The following TENM2 variants were observed in gnomAD, a reference collection of about 807,000 sequenced individuals.
TENM2 encodes the protein teneurin transmembrane protein 2, also known as teneurin-2.
TENM2 carries 52 observed loss-of-function variants against 245.2 expected under a neutral mutation model. The ratio of observed to expected loss-of-function variants is 0.21; its 90% CI spans 0.17 to 0.27. The LOEUF (loss-of-function observed/expected upper bound fraction) is 0.27, where lower values mean the gene tolerates loss of function less well. Ranked by LOEUF, TENM2 falls within the 10% of genes least tolerant of loss-of-function variation. The probability of loss-of-function intolerance (pLI) is 1.00; values close to 1 mark genes in which losing one functional copy is unlikely to be tolerated. For synonymous variants in TENM2, 1,363 were observed against 1,438.9 expected, an observed-to-expected ratio of 0.95 and a Z score of 1.19; for missense variants, 3,046 against 3,666.8, an observed-to-expected ratio of 0.83 and a Z score of 4.37.
rs10650485 is a variant in TENM2, at chr5:167,907,232, CAAAT to C, written c.712+31064_712+31067del. 3.6e-3 allele frequency among the ~76,000 whole-genome samples: 531 copies of C among 148,142 alleles called. 3 individuals are homozygous for C. Among genetic ancestry groups the C allele is most frequent in the African/African-American group, 9.2e-3 (370 of 40,022 alleles). ...GTGCAAAAAGAGTGAAACTCCGTCT[CAAAT>C]AAATAAATAAATAAATAAATAAATA... On this transcript the variant is annotated intron_variant, in intron 3 of 28. Coordinates refer to ENST00000518659, the Ensembl canonical transcript of TENM2.
At chr5:167,358,838 CA>C (rs1759516064) in intron 1 of TENM2, among the ~76,000 whole-genome samples, 7 of 124,108 alleles carry the variant, frequency 5.6e-5, no homozygotes, top group Non-Finnish European at 9.2e-5. Flanking sequence ...CACACACACA[CA>C]CACACACACA....
At chr5:166,980,242 T>C in the TENM2 span, among the ~76,000 whole-genome samples, 2 of 152,176 alleles carry the variant, frequency 1.3e-5, no homozygotes, top group Admixed American at 6.6e-5. Context: ...TTTAGGGCTA[T>C]GGAGAAAGAG....
intron 5 of TENM2, 109 bp downstream of exon 7, chr5:167,993,291 T>G (rs11955430): frequency 0.33 from 280,302 of 855,420 alleles, 47,379 homozygotes; most frequent in African/African-American, 0.46. Context: ...TTTGCTTCTT[T>G]GCTCCTGAAA....
At chr5:167,935,270 A>G (rs1376903111) in intron 3 of TENM2, among the ~76,000 whole-genome samples, 1 of 152,112 alleles carries the variant, frequency 6.6e-6, no homozygotes, top group African/African-American at 2.4e-5. Context: ...AGCTTTTGTG[A>G]GCCAAAGACC....
intron 5 of TENM2, among the ~76,000 whole-genome samples, chr5:168,003,361 T>A (rs1287070346): frequency 1.3e-5 from 2 of 149,844 alleles, no homozygotes; most frequent in African/African-American, 2.5e-5. Context: ...AAAGCTGGCA[T>A]AACTGTGAAG....
At chr5:167,777,961 T>G (rs1763927516) in intron 2 of TENM2, among the ~76,000 whole-genome samples, 1 of 152,238 alleles carries the variant, frequency 6.6e-6, no homozygotes, top group Admixed American at 6.5e-5. Context: ...AAATAATGTT[T>G]TCTTGGAACA....
the TENM2 span, among the ~76,000 whole-genome samples, chr5:167,129,665 A>G: frequency 1.3e-5 from 2 of 152,196 alleles, no homozygotes; most frequent in African/African-American, 4.8e-5. Context: ...GAGGTGATGC[A>G]TGGGAAAATA....
intron 20 of TENM2, 71 bp downstream of exon 22, chr5:168,211,825 T>C: frequency 1.0e-6 from 1 of 959,086 alleles, no homozygotes; most frequent in Non-Finnish European, 1.5e-6. Flanking sequence ...CTTTTTTTGT[T>C]TTGTGCTTCT....
At chr5:167,419,938 G>T (rs891119862) in intron 2 of TENM2, among the ~76,000 whole-genome samples, 2 of 152,190 alleles carry the variant, frequency 1.3e-5, no homozygotes, top group Non-Finnish European at 2.9e-5. Flanking sequence ...GCAGCAGAGA[G>T]CATGATTGGA....
At chr5:166,979,194 CCAGCAGCAGCAG>C in the TENM2 span, among the ~76,000 whole-genome samples, 694 of 142,120 alleles carry the variant, frequency 4.9e-3, 5 homozygotes, top group African/African-American at 0.016. Flanking sequence ...AGCACCACCA[CCAGCAGCAGCAG>C]CAGCAGCAGC....
intron 3 of TENM2, among the ~76,000 whole-genome samples, chr5:167,904,674 CT>C (rs1775954417): frequency 1.3e-5 from 2 of 152,120 alleles, no homozygotes; most frequent in South Asian, 2.1e-4. Context: ...TCATTTCCCC[CT>C]GTGTCTGTCT....
At chr5:167,587,493 C>CG (rs1049808942) in intron 2 of TENM2, among the ~76,000 whole-genome samples, 1 of 152,070 alleles carries the variant, frequency 6.6e-6, no homozygotes, top group African/African-American at 2.4e-5. Context: ...ACCAGTGGGT[C>CG]GGATCAATGC....
intron 2 of TENM2, among the ~76,000 whole-genome samples, chr5:167,857,135 A>G (rs1255815430): frequency 1.3e-5 from 2 of 152,198 alleles, no homozygotes; most frequent in African/African-American, 4.8e-5. Context: ...CATTCTAGCA[A>G]GAATGATACA....
the TENM2 span, among the ~76,000 whole-genome samples, chr5:167,212,861 G>A: frequency 1.3e-5 from 2 of 152,194 alleles, no homozygotes; most frequent in Non-Finnish European, 2.9e-5. Context: ...ATGCACATAG[G>A]AGGAGAGCTG....
At chr5:167,947,183 T>G (rs32408) in intron 3 of TENM2, among the ~76,000 whole-genome samples, 68,261 of 151,958 alleles carry the variant, frequency 0.45, 16,621 homozygotes, top group African/African-American at 0.64. Flanking sequence ...TTGGAAAAGT[T>G]GGGCCCACAG....
At chr5:167,954,182 C>T (rs1011943522) in intron 4 of TENM2, among the ~76,000 whole-genome samples, 8 of 151,848 alleles carry the variant, frequency 5.3e-5, no homozygotes, top group African/African-American at 1.9e-4. Context: ...CACACACTCA[C>T]TCACACACAC....
chr5:167,558,118 G>A (rs949111483), intron 2 of TENM2, among the ~76,000 whole-genome samples: 1 of 152,274 alleles, frequency 6.6e-6, no homozygotes, highest in East Asian at 1.9e-4. Context: ...GTTCAAGCCC[G>A]TCAGAACAGA....
At chr5:168,162,902 G>C in intron 13 of TENM2, 145 bp downstream of exon 15, 1 of 1,013,676 alleles carries the variant, frequency 9.9e-7, no homozygotes, top group Non-Finnish European at 1.4e-6. Context: ...ATGCAGCAGA[G>C]AACAGGTGTC....
chr5:167,215,445 A>G, the TENM2 span, among the ~76,000 whole-genome samples: 1 of 152,236 alleles, frequency 6.6e-6, no homozygotes, highest in Non-Finnish European at 1.5e-5. Context: ...AGTGAACAAA[A>G]GTAAGAATGG....
Sources: allele counts gnomAD v4.1 joint callset (sites outside exome capture counted in the v4.1 genomes callset), GRCh38; gene constraint gnomAD v4.1.1; transcripts MANE v1.5; gene names NCBI Gene and HGNC (gene_info 2026-07-23, HGNC 2026-07-21).